The following RFX6 variants were observed in gnomAD, a reference collection of about 807,000 sequenced individuals.
RFX6 encodes DNA-binding protein RFX6.
A neutral mutation model predicts 110.8 loss-of-function variants in RFX6; 50 were observed. That is an observed-to-expected ratio of 0.45 (90% CI 0.36 to 0.57). The LOEUF (loss-of-function observed/expected upper bound fraction) is 0.57, where lower values mean the gene tolerates loss of function less well. Among genes scored for constraint, RFX6 ranks in the 20% least tolerant of loss-of-function variants. The probability of loss-of-function intolerance (pLI) is 0.00; values close to 1 mark genes in which losing one functional copy is unlikely to be tolerated. For missense variants in RFX6, 990 were observed against 1,127.0 expected (o/e 0.88, Z 1.74); for synonymous variants, 383 against 411.2 (o/e 0.93, Z 0.83).
chr6:116,927,050 G>C lies in RFX6; in HGVS notation c.1909G>C (p.Ala637Pro). 6.2e-7 allele frequency: 1 copy of C among 1,614,058 alleles called. No individual in the cohort carries two copies. Among genetic ancestry groups the C allele is most frequent in the Non-Finnish European group, 8.5e-7 (1 of 1,179,946 alleles). ...AGGTCAAATGGAGCTTTCACAGATT[G>C]CTGGTCATCTGATGACACCACCCAT... The part of the protein sequence containing the change: ...LTGQMELSQI[A>P]GHLMTPPISP... The change falls in exon 17 of 19, where the codon GCT becomes CCT. Residue 637 changes from alanine to proline, a missense_variant. This residue lies in a region of RFX6 where 438 missense variants were observed against 441.9 expected (regional missense o/e 0.99). Transcript: ENST00000332958.
chr6:116,918,533 AT>A (rs1307976851), intron 10 of RFX6, among the ~76,000 whole-genome samples: 2 of 151,204 alleles, frequency 1.3e-5, no homozygotes, highest in Non-Finnish European at 3.0e-5. Context: ...CAAATAGTTT[AT>A]TGAAACAATA....
chr6:116,900,755 A>C (rs1051397339), intron 6 of RFX6, among the ~76,000 whole-genome samples: 10 of 152,162 alleles, frequency 6.6e-5, no homozygotes, highest in African/African-American at 2.4e-4. Context: ...ACTAATATCA[A>C]AGAAATGGTT....
rs1021471383 is a variant in RFX6, at chr6:116,877,293, G to A, written c.18G>A (p.Glu6=). The change falls in exon 1 of 19, where the codon GAG becomes GAA. Residue 6 remains glutamate, a synonymous_variant. Coordinates refer to ENST00000332958, the MANE Select transcript of RFX6 (RefSeq NM_173560.4). MAKVP[E]LEDTFLQAQP... ...CCAGGAGGATGGCCAAGGTCCCGGAGCTGGAAGACACCTTCCTGCAGGCGC... is the reference window on the plus strand; with the variant it reads ...CCAGGAGGATGGCCAAGGTCCCGGAACTGGAAGACACCTTCCTGCAGGCGC... 6.2e-7 allele frequency: 1 copy of A among 1,611,606 alleles called. No homozygotes were observed. Among genetic ancestry groups the A allele is most frequent in the Non-Finnish European group, 8.5e-7 (1 of 1,179,202 alleles).
At chr6:116,893,050 T>C (rs1254240381) in intron 4 of RFX6, among the ~76,000 whole-genome samples, 1 of 152,172 alleles carries the variant, frequency 6.6e-6, no homozygotes, top group Non-Finnish European at 1.5e-5. Flanking sequence ...ATAATTAGGC[T>C]GATGTCCACT....
Position 116,931,634 on chromosome 6 carries a change from C to CACTG in RFX6, c.*129_*132dup. The CACTG allele has an allele frequency of 1.4e-6, 1 of 713,218 alleles. No homozygotes were observed. Among genetic ancestry groups the CACTG allele is most frequent in the South Asian group, 1.8e-5 (1 of 56,062 alleles). 44.2% of individuals were successfully genotyped at this position (713,218 alleles called of 1,614,324 possible). On this transcript the variant is annotated 3_prime_UTR_variant, in exon 19 of 19. Transcript: ENST00000332958. The stretch of plus-strand genomic sequence containing the variant: ...GCAGTGGCTGACATTGTTTTAAAGT[C>CACTG]ACTGGTACTATGGACAACTCCATAG...
intron 6 of RFX6, among the ~76,000 whole-genome samples, chr6:116,908,708 A>T (rs1775266917): frequency 6.6e-6 from 1 of 151,434 alleles, no homozygotes; most frequent in South Asian, 2.1e-4. Context: ...ACACACACAC[A>T]CACACACAGA....
chr6:116,880,695 C>T, intron 3 of RFX6, 28 bp downstream of exon 3: 1 of 1,611,764 alleles, frequency 6.2e-7, no homozygotes. Flanking sequence ...GCTATAGTGA[C>T]TTATAACTAA....
intron 2 of RFX6, among the ~76,000 whole-genome samples, chr6:116,878,325 C>T: frequency 6.6e-6 from 1 of 151,966 alleles, no homozygotes; most frequent in Non-Finnish European, 1.5e-5. Flanking sequence ...TTCTTAAAAA[C>T]AACTTAAAAT....
At position 116,920,380 on chromosome 6, in the gene RFX6, T is replaced by C; in HGVS notation, c.1253T>C (p.Leu418Ser). ...SMVSDIERVD[L>S]NSIGSQALLT... The stretch of plus-strand genomic sequence containing the variant: ...GTGTCTGATATTGAAAGGGTTGATT[T>C]GAACAGCATTGGCTCTCAAGCCCTT... The change falls in exon 12 of 19, where the codon TTG (leucine) becomes TCG (serine). Residue 418 changes from leucine (L) to serine (S), a missense_variant. Leu to Ser is a moderately radical substitution (Grantham distance 145, BLOSUM62 -2). Around this residue, in one of 5 missense-constraint regions of RFX6, gnomAD observed 243 missense variants for 353.1 expected, o/e 0.69. Transcript: ENST00000332958. 1 of 1,612,368 alleles carries C rather than the reference T, an allele frequency of 6.2e-7. No individual in the cohort carries two copies. The highest frequency in any genetic ancestry group is 8.5e-7 in the Non-Finnish European group (1 of 1,178,416).
At chr6:116,903,524 A>G (rs2114681104) in intron 6 of RFX6, among the ~76,000 whole-genome samples, 1 of 152,124 alleles carries the variant, frequency 6.6e-6, no homozygotes, top group Admixed American at 6.5e-5. Flanking sequence ...AACTTAAAAG[A>G]GAGGAGTCCT....
rs141209303 is a variant in RFX6, at chr6:116,898,693, A to G, written c.672+3486A>G. 2.1e-3 allele frequency among the ~76,000 whole-genome samples: 320 copies of G among 152,274 alleles called. 1 individual carries two copies. Among genetic ancestry groups the G allele is most frequent in the African/African-American group, 7.3e-3 (305 of 41,544 alleles). ...ACTAAAACTGAAAAGAGAAAGGGTA[A>G]GTTCGGATGCAAGCAGATTTGTAGA... On this transcript the variant is annotated intron_variant, in intron 6 of 18. Coordinates refer to ENST00000332958, the MANE Select transcript of RFX6 (RefSeq NM_173560.4).
At chr6:116,917,701 C>A (rs555985829) in intron 9 of RFX6, among the ~76,000 whole-genome samples, 11 of 152,184 alleles carry the variant, frequency 7.2e-5, no homozygotes, top group African/African-American at 2.6e-4. Flanking sequence ...GTAAGTAGAA[C>A]GGTGTAAGAT....
At chr6:116,917,760 T>C (rs1207139705) in intron 9 of RFX6, among the ~76,000 whole-genome samples, 1 of 152,120 alleles carries the variant, frequency 6.6e-6, no homozygotes, top group Non-Finnish European at 1.5e-5. Flanking sequence ...GGTCAGCTTT[T>C]CATCATAAAA....
chr6:116,877,392 C>G lies in RFX6; in HGVS notation c.117C>G (p.Val39=). 6.2e-7 allele frequency: 1 copy of G among 1,608,906 alleles called. No individual in the cohort carries two copies. The highest frequency in any genetic ancestry group is 8.5e-7 in the Non-Finnish European group (1 of 1,177,834). Residue 39 remains valine (V), a synonymous_variant, in exon 1 of 19, where the codon GTC becomes GTG. Transcript: ENST00000332958. Reference sequence around the variant, plus strand: ...AGCTCCTGGGCAAGGGCTTGCTAGTCTATCCGGAAGAAACAGTGTACCTGG... The same window carrying G: ...AGCTCCTGGGCAAGGGCTTGCTAGTGTATCCGGAAGAAACAGTGTACCTGG... ...CVQLLGKGLL[V]YPEETVYLAA...
At chr6:116,916,408 A>T (rs953005113) in intron 9 of RFX6, 94 bp downstream of exon 9, 36 of 838,486 alleles carry the variant, frequency 4.3e-5, no homozygotes, top group Admixed American at 3.0e-4. Flanking sequence ...TAAATATGTT[A>T]TTTATGGCTG....
At chr6:116,927,784 G>A (rs1217609721) in intron 17 of RFX6, among the ~76,000 whole-genome samples, 2 of 128,920 alleles carry the variant, frequency 1.6e-5, no homozygotes, top group Non-Finnish European at 3.1e-5. Flanking sequence ...TTATGCTGTA[G>A]CCCAGGCTGG....
intron 4 of RFX6, among the ~76,000 whole-genome samples, chr6:116,885,884 CT>C (rs1774689621): frequency 6.6e-6 from 1 of 151,886 alleles, no homozygotes; most frequent in South Asian, 2.1e-4. Flanking sequence ...TATTTTCTGC[CT>C]TTTAATTTTA....
At chr6:116,888,364 A>G (rs1774746131) in intron 4 of RFX6, among the ~76,000 whole-genome samples, 1 of 152,240 alleles carries the variant, frequency 6.6e-6, no homozygotes, top group African/African-American at 2.4e-5. Context: ...TAACATGTTC[A>G]CATTAAAATG....
At chr6:116,884,311 A>T (rs1774653865) in intron 4 of RFX6, among the ~76,000 whole-genome samples, 1 of 152,176 alleles carries the variant, frequency 6.6e-6, no homozygotes, top group South Asian at 2.1e-4. Context: ...AACAGATAAT[A>T]CATATTTTGA....
Sources: allele counts gnomAD v4.1 joint callset (sites outside exome capture counted in the v4.1 genomes callset), GRCh38; gene constraint gnomAD v4.1.1; regional missense constraint gnomAD v4.1.1; transcripts MANE v1.5; gene names NCBI Gene and HGNC (gene_info 2026-07-23, HGNC 2026-07-21).